PTPRD: variants seen among roughly 807,000 people sequenced by gnomAD.
PTPRD encodes the protein protein tyrosine phosphatase receptor type D, also known as receptor-type tyrosine-protein phosphatase delta.
In PTPRD, 34 loss-of-function variants were observed where a neutral mutation model predicts 214.5. The observed-to-expected ratio is 0.16, with a 90% confidence interval of 0.12 to 0.21. The LOEUF (loss-of-function observed/expected upper bound fraction) is 0.21, where lower values mean the gene tolerates loss of function less well. Among genes scored for constraint, PTPRD ranks in the 10% least tolerant of loss-of-function variants. The probability of loss-of-function intolerance (pLI) is 1.00; values close to 1 mark genes in which losing one functional copy is unlikely to be tolerated. For missense variants in PTPRD, 2,545 were observed against 2,398.7 expected (o/e 1.06, Z -1.27); for synonymous variants, 1,128 against 845.7 (o/e 1.33, Z -5.79).
chr9:9,708,588 G>A lies in PTPRD; in HGVS notation c.-287+25945C>T, dbSNP rs56273998. 1.1e-3 allele frequency among the ~76,000 whole-genome samples: 171 copies of A among 151,928 alleles called. 2 individuals are homozygous for A. Among genetic ancestry groups the A allele is most frequent in the African/African-American group, 4.0e-3 (165 of 41,480 alleles). The stretch of plus-strand genomic sequence containing the variant: ...TAACATAACTCTCAGAGGACAACCC[G>A]ATTTCAAAGTCCTCAAGAGTATTTC... On this transcript the variant is annotated intron_variant, in intron 7 of 45. Transcript: ENST00000381196.
At chr9:8,486,701 T>A (rs1563746976) in intron 27 of PTPRD, among the ~76,000 whole-genome samples, 3 of 152,224 alleles carry the variant, frequency 2.0e-5, no homozygotes, top group African/African-American at 7.2e-5. Flanking sequence ...TAGATATGGC[T>A]AATAAGAATA....
At chr9:9,347,143 T>G (rs2049153064) in intron 9 of PTPRD, among the ~76,000 whole-genome samples, 1 of 152,126 alleles carries the variant, frequency 6.6e-6, no homozygotes, top group African/African-American at 2.4e-5. Flanking sequence ...CACTGCAGCC[T>G]GGGTAACAGA....
chr9:10,549,296 C>T (rs915097443), intron 2 of PTPRD, among the ~76,000 whole-genome samples: 1 of 152,060 alleles, frequency 6.6e-6, no homozygotes, highest in Non-Finnish European at 1.5e-5. Context: ...ACATCCAAAC[C>T]GAACAGCCCT....
chr9:8,349,218 G>A (rs2074732544), intron 39 of PTPRD, among the ~76,000 whole-genome samples: 1 of 151,992 alleles, frequency 6.6e-6, no homozygotes, highest in African/African-American at 2.4e-5. Context: ...CTGTGCTTAT[G>A]CTTCACTCCA....
intron 39 of PTPRD, among the ~76,000 whole-genome samples, chr9:8,345,734 C>T (rs571016485): frequency 2.9e-4 from 44 of 152,034 alleles, no homozygotes; most frequent in Non-Finnish European, 4.0e-4. Context: ...CGTTTGAAAT[C>T]GAAATCAAAG....
intron 3 of PTPRD, among the ~76,000 whole-genome samples, chr9:10,044,632 G>A (rs2097356882): frequency 6.6e-6 from 1 of 151,686 alleles, no homozygotes; most frequent in South Asian, 2.1e-4. Context: ...AACCATATTA[G>A]ATCATTAATA....
At chr9:9,701,706 C>CA in intron 7 of PTPRD, among the ~76,000 whole-genome samples, 1 of 152,086 alleles carries the variant, frequency 6.6e-6, no homozygotes, top group East Asian at 1.9e-4. Context: ...TGAATTCAAC[C>CA]AAAAAATTCC....
At chr9:10,050,559 CAAAAAAAAAAAA>C (rs1164243746) in intron 3 of PTPRD, among the ~76,000 whole-genome samples, 140 of 14,004 alleles carry the variant, frequency 1.0e-2, no homozygotes, top group African/African-American at 0.023. Flanking sequence ...GAGTCTGTCT[CAAAAAAAAAAAA>C]AAAAAAAAAA....
intron 2 of PTPRD, among the ~76,000 whole-genome samples, chr9:10,406,509 A>T (rs371703940): frequency 2.0e-4 from 30 of 151,546 alleles, no homozygotes; most frequent in African/African-American, 7.3e-4. Flanking sequence ...AAATTAGAAA[A>T]ATGCATCCAT....
At chr9:8,817,588 A>C (rs535645908) in intron 11 of PTPRD, among the ~76,000 whole-genome samples, 30 of 152,280 alleles carry the variant, frequency 2.0e-4, no homozygotes, top group Admixed American at 1.8e-3. Flanking sequence ...CTGTGATCAC[A>C]CCACTGTCCT....
chr9:8,716,297 CA>C (rs1484382334), intron 12 of PTPRD, among the ~76,000 whole-genome samples: 1 of 152,168 alleles, frequency 6.6e-6, no homozygotes, highest in Non-Finnish European at 1.5e-5. Context: ...TTCATCATCC[CA>C]AATTCACATT....
rs575384271 is a variant in PTPRD, at chr9:9,536,601, C to T, written c.-237+38131G>A. ...GCTGGACAGAGCAATATGTCAGCAC[C>T]TTTGCCCACGTCCACAGCCTGAAAG... On this transcript the variant is annotated intron_variant, in intron 8 of 45. Coordinates refer to ENST00000381196, the MANE Select transcript of PTPRD (RefSeq NM_002839.4). 5.3e-5 allele frequency among the ~76,000 whole-genome samples: 8 copies of T among 152,074 alleles called. No homozygotes were observed. The South Asian group carries it at 1.0e-3, about 20-fold the overall frequency.
Position 8,527,365 on chromosome 9 carries a change from A to G in PTPRD, c.542-12T>C. On this transcript the variant is annotated splice_polypyrimidine_tract_variant and intron_variant, in intron 15 of 45. Transcript: ENST00000381196. ...CTTACCAATAGATTCTGGAGATTTA[A>G]ATACGGAGAGAAGAAAGACAGCATA... 1 of 1,606,526 alleles carries G rather than the reference A, an allele frequency of 6.2e-7. No individual in the cohort carries two copies. Among genetic ancestry groups the G allele is most frequent in the Non-Finnish European group, 8.5e-7 (1 of 1,176,186 alleles).
intron 14 of PTPRD, among the ~76,000 whole-genome samples, chr9:8,591,085 C>A (rs1009496153): frequency 6.6e-6 from 1 of 152,134 alleles, no homozygotes; most frequent in Non-Finnish European, 1.5e-5. Flanking sequence ...TCTCATTTTG[C>A]ATAATTCTGA....
At chr9:9,796,452 G>A (rs75104369) in intron 5 of PTPRD, among the ~76,000 whole-genome samples, 3,510 of 152,166 alleles carry the variant, frequency 0.023, 129 homozygotes, top group African/African-American at 0.081. Flanking sequence ...TGATGTTCAG[G>A]AGAAAATTGA....
intron 11 of PTPRD, among the ~76,000 whole-genome samples, chr9:9,005,315 C>G (rs1409250914): frequency 6.6e-6 from 1 of 152,004 alleles, no homozygotes; most frequent in African/African-American, 2.4e-5. Flanking sequence ...AAACAGCAAC[C>G]ACCTTGCCTG....
At chr9:9,826,332 G>T (rs1419157171) in intron 5 of PTPRD, among the ~76,000 whole-genome samples, 3 of 151,500 alleles carry the variant, frequency 2.0e-5, no homozygotes, top group Non-Finnish European at 2.9e-5. Context: ...TCCTTTCTGA[G>T]ATTTTCTAAT....
intron 8 of PTPRD, among the ~76,000 whole-genome samples, chr9:9,494,621 G>A (rs914026817): frequency 1.3e-5 from 2 of 152,084 alleles, no homozygotes; most frequent in African/African-American, 4.8e-5. Flanking sequence ...TCAAGGAGGT[G>A]GAAAATTTGT....
chr9:9,157,554 A>G (rs1327719474), intron 10 of PTPRD, among the ~76,000 whole-genome samples: 1 of 152,206 alleles, frequency 6.6e-6, no homozygotes, highest in Non-Finnish European at 1.5e-5. Context: ...ATAACCTACC[A>G]AGATTGAATT....
Sources: allele counts gnomAD v4.1 joint callset (sites outside exome capture counted in the v4.1 genomes callset), GRCh38; gene constraint gnomAD v4.1.1; transcripts MANE v1.5; gene names NCBI Gene and HGNC (gene_info 2026-07-23, HGNC 2026-07-21).